AKIRIN2: variants seen among roughly 807,000 people sequenced by gnomAD.
The protein encoded by AKIRIN2 is akirin 2.
A neutral mutation model predicts 29.3 loss-of-function variants in AKIRIN2; 6 were observed. That is an observed-to-expected ratio of 0.20 (90% CI 0.11 to 0.40). The LOEUF (loss-of-function observed/expected upper bound fraction) is 0.40. Ranked by LOEUF, AKIRIN2 falls within the 10% of genes least tolerant of loss-of-function variation. The pLI, the probability that AKIRIN2 is intolerant of heterozygous loss-of-function variation, is 1.00. For missense variants in AKIRIN2, 210 were observed against 276.1 expected (o/e 0.76, Z 1.70); for synonymous variants, 128 against 117.5 (o/e 1.09, Z -0.58).
At chr6:87,688,320 CAG>C (rs1228151290) in intron 1 of AKIRIN2, among the ~76,000 whole-genome samples, 3 of 152,066 alleles carry the variant, frequency 2.0e-5, no homozygotes, top group South Asian at 2.1e-4. Flanking sequence ...TTAGTAGAGA[CAG>C]AGTTTCACCA....
chr6:87,701,359 G>T, intron 1 of AKIRIN2, 91 bp downstream of exon 1: 1 of 1,346,516 alleles, frequency 7.4e-7, no homozygotes. Flanking sequence ...ACACAGTCCG[G>T]CACCCCCACC....
At chr6:87,699,389 G>C (rs1420354309) in intron 1 of AKIRIN2, among the ~76,000 whole-genome samples, 1 of 152,116 alleles carries the variant, frequency 6.6e-6, no homozygotes. Context: ...ATTTTAGCAA[G>C]TCAAAATTTC....
intron 1 of AKIRIN2, among the ~76,000 whole-genome samples, chr6:87,698,580 A>G (rs77513920): frequency 0.031 from 4,764 of 152,290 alleles, 248 homozygotes; most frequent in African/African-American, 0.11. Context: ...CTAGACCCTG[A>G]ACAGCATTTC....
chr6:87,698,373 T>TAAAAAAA (rs1318677681), intron 1 of AKIRIN2, among the ~76,000 whole-genome samples: 1 of 136,242 alleles, frequency 7.3e-6, no homozygotes, highest in African/African-American at 2.7e-5. Context: ...GAACAATACT[T>TAAAAAAA]AAAAAAAAAA....
At chr6:87,683,594 C>G (rs1320058466) in intron 1 of AKIRIN2, among the ~76,000 whole-genome samples, 1 of 152,162 alleles carries the variant, frequency 6.6e-6, no homozygotes, top group South Asian at 2.1e-4. Flanking sequence ...AGGATAAACA[C>G]AAATATCCTC....
At chr6:87,676,343 G>A (rs1770982712) in intron 3 of AKIRIN2, among the ~76,000 whole-genome samples, 1 of 145,598 alleles carries the variant, frequency 6.9e-6, no homozygotes, top group African/African-American at 2.6e-5. Context: ...CAGGCCGCCT[G>A]TAGTCCCAAC....
At position 87,701,009 on chromosome 6, in the gene AKIRIN2, C is replaced by G. The variant is rs942348575; in HGVS notation, c.235+441G>C. 4.8e-5 allele frequency among the ~76,000 whole-genome samples: 7 copies of G among 147,034 alleles called. No homozygotes were observed. In the Admixed American group the frequency reaches 5.0e-4, roughly 10 times the overall value. The stretch of plus-strand genomic sequence containing the variant: ...GAGGGGCTGTAGCCTCGCCTCAAAC[C>G]ACCCAGTCCCAGAGTTAATAGCTGC... On this transcript the variant is annotated intron_variant, in intron 1 of 4. Coordinates refer to ENST00000257787, the MANE Select transcript of AKIRIN2 (RefSeq NM_018064.4).
At chr6:87,689,060 G>A (rs1771236017) in intron 1 of AKIRIN2, among the ~76,000 whole-genome samples, 1 of 152,148 alleles carries the variant, frequency 6.6e-6, no homozygotes, top group Non-Finnish European at 1.5e-5. Flanking sequence ...CTTTTATACA[G>A]TTAAATATTA....
chr6:87,700,999 C>A (rs1239465036), intron 1 of AKIRIN2, among the ~76,000 whole-genome samples: 2 of 142,796 alleles, frequency 1.4e-5, no homozygotes, highest in African/African-American at 5.2e-5. Flanking sequence ...GCTGTAGCCT[C>A]GCCTCAAACC....
chr6:87,692,232 A>G (rs963461025), intron 1 of AKIRIN2, among the ~76,000 whole-genome samples: 1 of 152,216 alleles, frequency 6.6e-6, no homozygotes, highest in East Asian at 1.9e-4. Flanking sequence ...CTTGCTGGTG[A>G]GTAAAAGTCC....
intron 2 of AKIRIN2, among the ~76,000 whole-genome samples, chr6:87,679,596 C>T (rs570303353): frequency 6.6e-6 from 1 of 152,314 alleles, no homozygotes; most frequent in East Asian, 1.9e-4. Flanking sequence ...CACTAATTCC[C>T]ATTAAGTTAA....
chr6:87,700,229 G>A (rs762872385), intron 1 of AKIRIN2, among the ~76,000 whole-genome samples: 3 of 148,910 alleles, frequency 2.0e-5, no homozygotes, highest in Non-Finnish European at 3.0e-5. Flanking sequence ...CATATTCGAG[G>A]GTCACTCCAT....
In AKIRIN2 at chr6:87,675,610, A is replaced by G. The variant is rs750712704; in HGVS notation, c.602-3T>C. On this transcript the variant is annotated splice_region_variant and splice_polypyrimidine_tract_variant and intron_variant, in intron 4 of 4. Coordinates refer to ENST00000257787, the MANE Select transcript of AKIRIN2 (RefSeq NM_018064.4). ...AGGATACGTGATTCATGAAACATCT[A>G]AAGGGTGAGAAAAAGAAAATTAGTG... 5 of 1,613,854 alleles carry G rather than the reference A, an allele frequency of 3.1e-6. No homozygotes were observed. Among genetic ancestry groups the G allele is most frequent in the Non-Finnish European group, 4.2e-6 (5 of 1,179,906 alleles).
At chr6:87,679,129 T>A (rs1771075574) in intron 2 of AKIRIN2, among the ~76,000 whole-genome samples, 1 of 128,800 alleles carries the variant, frequency 7.8e-6, no homozygotes, top group Admixed American at 8.0e-5. Context: ...GAGTGAAACT[T>A]CATCTCAGAA....
At chr6:87,679,505 AAAC>A (rs992911885) in intron 2 of AKIRIN2, among the ~76,000 whole-genome samples, 1 of 152,200 alleles carries the variant, frequency 6.6e-6, no homozygotes, top group Non-Finnish European at 1.5e-5. Flanking sequence ...CTCAAAAACA[AAAC>A]AAAACAAAAC....
Position 87,701,430 on chromosome 6 carries a change from G to A in AKIRIN2, c.235+20C>T, listed in dbSNP as rs771994516. 2.0e-6 allele frequency: 3 copies of A among 1,530,570 alleles called. No homozygotes were observed. The highest frequency in any genetic ancestry group is 1.4e-5 in the African/African-American group (1 of 70,350). The allele number at this position is 1,530,570 out of a possible 1,614,324, so 94.8% of individuals were successfully genotyped here. On this transcript the variant is annotated intron_variant, in intron 1 of 4. Coordinates refer to ENST00000257787, the MANE Select transcript of AKIRIN2 (RefSeq NM_018064.4). ...CCCAGTTCTCTCCACTACCCCGGCG[G>A]CCGCGGGGCCGGGTCCCACCTGTGG... is the stretch of plus-strand genomic sequence containing the variant.
At chr6:87,680,691 G>C (rs1771105553) in intron 2 of AKIRIN2, among the ~76,000 whole-genome samples, 1 of 151,392 alleles carries the variant, frequency 6.6e-6, no homozygotes, top group African/African-American at 2.4e-5. Context: ...CTAAAGATAA[G>C]AGCCACTATT....
intron 1 of AKIRIN2, among the ~76,000 whole-genome samples, chr6:87,696,611 G>A (rs868263701): frequency 4.7e-5 from 7 of 148,538 alleles, no homozygotes; most frequent in African/African-American, 1.7e-4. Flanking sequence ...TGAGGCAGGA[G>A]AATGGCGTGA....
At chr6:87,699,629 G>A (rs192038461) in intron 1 of AKIRIN2, among the ~76,000 whole-genome samples, 1 of 152,164 alleles carries the variant, frequency 6.6e-6, no homozygotes, top group East Asian at 1.9e-4. Context: ...AATTCCAGTC[G>A]TTTTACTACA....
Sources: allele counts gnomAD v4.1 joint callset (sites outside exome capture counted in the v4.1 genomes callset), GRCh38; gene constraint gnomAD v4.1.1; transcripts MANE v1.5; gene names NCBI Gene and HGNC (gene_info 2026-07-23, HGNC 2026-07-21).